Variants in SLC35F4 observed in about 807,000 individuals in gnomAD.
SLC35F4 encodes the protein chromosome 14 open reading frame 36.
Under a neutral mutation model 44.2 loss-of-function variants are expected in SLC35F4, and 24 were observed. The observed-to-expected ratio is 0.54, with a 90% CI of 0.39 to 0.76. SLC35F4 has a LOEUF of 0.76. SLC35F4 is among the 30% of genes least tolerant of loss of function. The pLI is 0.00. For synonymous variants in SLC35F4, 238 were observed against 223.6 expected, an observed-to-expected ratio of 1.06 and a Z score of -0.57; for missense variants, 562 against 586.1, an observed-to-expected ratio of 0.96 and a Z score of 0.42.
intron 1 of SLC35F4, chr14:57,630,545 CATT>C: frequency 9.0e-7 from 1 of 1,107,728 alleles, no homozygotes; most frequent in Non-Finnish European, 1.4e-6. Context: ...TTCCAAAACA[CATT>C]ATAAGTCTGG....
rs11275945 is a variant in SLC35F4, at chr14:57,925,495, AAGGGAGGGAGGGAGGGAGGGAGGG to A, written n.282+56394_282+56417del. Reference sequence around the variant, plus strand: ...GAAGGAAAGAAGGAAGGAAGGAAGGAAGGGAGGGAGGGAGGGAGGGAGGGAGGGAGGGAGGGAGGGAGGGAGGGA... The same window carrying A: ...GAAGGAAAGAAGGAAGGAAGGAAGGAAGGGAGGGAGGGAGGGAGGGAGGGA... On this transcript the variant is annotated intron_variant and non_coding_transcript_variant, in intron 1 of 1. Transcript: ENST00000556568. 1.4e-3 allele frequency among the ~76,000 whole-genome samples: 77 copies of A among 54,182 alleles called. 1 individual carries two copies. The highest frequency in any genetic ancestry group is 3.9e-3 in the African/African-American group (52 of 13,438). The allele number at this position is 54,182 out of a possible 152,430, so 35.5% of individuals were successfully genotyped here.
At chr14:57,632,809 C>T (rs143002781) in intron 1 of SLC35F4, among the ~76,000 whole-genome samples, 34 of 152,166 alleles carry the variant, frequency 2.2e-4, no homozygotes, top group Admixed American at 1.4e-3. Flanking sequence ...AAATTTATAA[C>T]GATATGTATC....
intron 1 of SLC35F4, among the ~76,000 whole-genome samples, chr14:57,646,436 G>A (rs1007450565): frequency 3.3e-5 from 5 of 152,088 alleles, no homozygotes; most frequent in Admixed American, 2.0e-4. Context: ...ATTCTCTGAC[G>A]GTAGTTTGTA....
intron 1 of SLC35F4, among the ~76,000 whole-genome samples, chr14:57,945,641 A>G (rs1264388592): frequency 6.6e-6 from 1 of 152,034 alleles, no homozygotes; most frequent in Non-Finnish European, 1.5e-5. Flanking sequence ...GATACCCAGT[A>G]GTGGGATTGC....
At chr14:57,719,031 G>T (rs2076013733) in intron 1 of SLC35F4, among the ~76,000 whole-genome samples, 1 of 152,148 alleles carries the variant, frequency 6.6e-6, no homozygotes, top group Admixed American at 6.6e-5. Flanking sequence ...AGAGATAGGG[G>T]CCAAGTTTCA....
intron 1 of SLC35F4, chr14:57,596,741 C>A (rs146512639): frequency 1.5e-6 from 2 of 1,318,052 alleles, no homozygotes; most frequent in Non-Finnish European, 2.0e-6. Flanking sequence ...ATAAGCCACA[C>A]CAGTGATTTA....
intron 1 of SLC35F4, chr14:57,629,952 G>T: frequency 2.0e-6 from 1 of 507,730 alleles, no homozygotes; most frequent in South Asian, 1.5e-5. Flanking sequence ...TCAGGAATGT[G>T]GCCGATGACA....
At chr14:57,680,692 T>A (rs1224196862) in intron 1 of SLC35F4, among the ~76,000 whole-genome samples, 1 of 152,146 alleles carries the variant, frequency 6.6e-6, no homozygotes, top group African/African-American at 2.4e-5. Context: ...AAAATCCATG[T>A]GCAAAAATCA....
chr14:57,761,510 T>G (rs1358194146), intron 1 of SLC35F4, among the ~76,000 whole-genome samples: 1 of 152,034 alleles, frequency 6.6e-6, no homozygotes, highest in Non-Finnish European at 1.5e-5. Flanking sequence ...TTAGGAAGAG[T>G]AAGTTATTAC....
At chr14:57,718,254 A>C (rs2075993974) in intron 1 of SLC35F4, among the ~76,000 whole-genome samples, 1 of 152,188 alleles carries the variant, frequency 6.6e-6, no homozygotes, top group Non-Finnish European at 1.5e-5. Context: ...GTTGATGGAC[A>C]TGTAGGTTAC....
intron 1 of SLC35F4, among the ~76,000 whole-genome samples, chr14:57,806,368 T>C (rs915297809): frequency 2.0e-5 from 3 of 152,178 alleles, no homozygotes; most frequent in African/African-American, 7.2e-5. Context: ...ATAAAGGTGC[T>C]ATTTTATTAC....
chr14:57,670,237 C>T (rs1438437817), intron 1 of SLC35F4, among the ~76,000 whole-genome samples: 6 of 151,966 alleles, frequency 3.9e-5, no homozygotes, highest in Non-Finnish European at 8.8e-5. Context: ...CTTTATTAGT[C>T]TTGCTAGCAG....
intron 2 of SLC35F4, among the ~76,000 whole-genome samples, chr14:57,593,390 T>C (rs1359894826): frequency 6.6e-6 from 1 of 151,898 alleles, no homozygotes; most frequent in African/African-American, 2.4e-5. Context: ...AACCCAGGAG[T>C]TGGCGAGTGG....
At chr14:57,777,435 T>C (rs1466728855) in intron 1 of SLC35F4, among the ~76,000 whole-genome samples, 2 of 152,234 alleles carry the variant, frequency 1.3e-5, no homozygotes, top group African/African-American at 4.8e-5. Flanking sequence ...CACCATGGAA[T>C]ACTATGCAGT....
At chr14:57,768,384 A>G (rs2077283018) in intron 1 of SLC35F4, among the ~76,000 whole-genome samples, 1 of 152,228 alleles carries the variant, frequency 6.6e-6, no homozygotes, top group African/African-American at 2.4e-5. Context: ...TCAAAGAGGT[A>G]AGAAAAGAGA....
intron 1 of SLC35F4, chr14:57,604,293 A>G (rs1265308442): frequency 6.6e-6 from 1 of 152,220 alleles, no homozygotes; most frequent in Non-Finnish European, 1.5e-5. Flanking sequence ...AACAAAAAGA[A>G]ATTTAAGATT....
intron 1 of SLC35F4, among the ~76,000 whole-genome samples, chr14:57,797,468 A>C (rs1399075611): frequency 1.3e-5 from 2 of 152,106 alleles, no homozygotes; most frequent in Non-Finnish European, 2.9e-5. Flanking sequence ...ATATATTGTC[A>C]CTGACTAGCT....
At chr14:57,979,529 T>C (rs917781441) in intron 1 of SLC35F4, among the ~76,000 whole-genome samples, 5 of 152,162 alleles carry the variant, frequency 3.3e-5, no homozygotes, top group Non-Finnish European at 7.4e-5. Context: ...ATTCCCTGCT[T>C]CAGGATTCCT....
rs929303175 is a variant in SLC35F4, at chr14:57,818,444, C to T, written c.103+47279G>A. On this transcript the variant is annotated intron_variant, in intron 1 of 7. Coordinates refer to ENST00000556826, the MANE Select transcript of SLC35F4 (RefSeq NM_001306087.2). ...ATGAGCTCTTCATTCCAGTAGACTA[C>T]TGGGCAAAGAAAGGATCACTGTAAA... 7.9e-5 allele frequency among the ~76,000 whole-genome samples: 12 copies of T among 152,142 alleles called. 1 individual carries two copies. The South Asian group carries it at 2.1e-3, about 26-fold the overall frequency.
Sources: gnomAD v4.1 joint callset for allele counts (sites outside exome capture counted in the v4.1 genomes callset) on GRCh38, gnomAD v4.1.1 for gene constraint, MANE v1.5 for transcripts, NCBI Gene and HGNC (gene_info 2026-07-23, HGNC 2026-07-21) for gene names.